ZDHHC7: variants seen among roughly 807,000 people sequenced by gnomAD.
ZDHHC7 encodes the protein zDHHC palmitoyltransferase 7, also known as palmitoyltransferase ZDHHC7.
Under a neutral mutation model 34.1 loss-of-function variants are expected in ZDHHC7, and 12 were observed. The ratio of observed to expected loss-of-function variants is 0.35; its 90% CI spans 0.23 to 0.57. ZDHHC7 has a LOEUF of 0.57. ZDHHC7 is among the 20% of genes least tolerant of loss of function. The probability of loss-of-function intolerance (pLI) is 0.84; values close to 1 mark genes in which losing one functional copy is unlikely to be tolerated. For missense variants in ZDHHC7, 388 were observed against 402.7 expected, an observed-to-expected ratio of 0.96 and a Z score of 0.31; for synonymous variants, 185 against 155.4, an observed-to-expected ratio of 1.19 and a Z score of -1.42.
chr16:84,994,360 C>T (rs1386483676), intron 2 of ZDHHC7, among the ~76,000 whole-genome samples: 1 of 152,222 alleles, frequency 6.6e-6, no homozygotes, highest in African/African-American at 2.4e-5. Flanking sequence ...AGGCCGTAAG[C>T]TGAAAAATTC....
upstream of ZDHHC7, among the ~76,000 whole-genome samples, chr16:85,016,018 CAACAGGAGG>C (rs902604238): frequency 5.9e-5 from 9 of 151,956 alleles, no homozygotes; most frequent in Non-Finnish European, 1.2e-4. Context: ...GCCTAAATTC[CAACAGGAGG>C]AGGGATTATA....
At position 85,011,453 on chromosome 16, in the gene ZDHHC7, C is replaced by T. The variant is rs904364392; in HGVS notation, c.-271G>A. On this transcript the variant is annotated 5_prime_UTR_variant, in exon 1 of 8. Coordinates refer to ENST00000313732, the MANE Select transcript of ZDHHC7 (RefSeq NM_017740.3). ...GCTTGGTCCCCTGGGTCCCGCCGGG[C>T]AGGTCGGAAGGAGGCTGCAGCCAAG... is the stretch of plus-strand genomic sequence containing the variant. 3.9e-5 allele frequency: 6 copies of T among 152,162 alleles called. No individual in the cohort carries two copies. The highest frequency in any genetic ancestry group is 1.4e-4 in the African/African-American group (6 of 41,432). The allele number at this position is 152,162 out of a possible 1,614,324, so 9.4% of individuals were successfully genotyped here. A position where few individuals can be genotyped will look rare whatever the true frequency, so the allele number is the denominator to read the frequency against.
At chr16:84,991,918 G>A (rs1349661700) in intron 2 of ZDHHC7, among the ~76,000 whole-genome samples, 1 of 152,098 alleles carries the variant, frequency 6.6e-6, no homozygotes, top group Non-Finnish European at 1.5e-5. Context: ...AAAAAAGTAG[G>A]ACCGGGCACA....
intron 3 of ZDHHC7, 77 bp downstream of exon 3, chr16:84,990,227 C>A: frequency 6.6e-7 from 1 of 1,515,134 alleles, no homozygotes. Flanking sequence ...TGCACTGCTT[C>A]CTCCAAAGGG....
chr16:85,016,669 T>C, the ZDHHC7 span, among the ~76,000 whole-genome samples: 1 of 151,734 alleles, frequency 6.6e-6, no homozygotes, highest in East Asian at 1.9e-4. Context: ...GTTCTCACTA[T>C]ATTGCCCAGG....
intron 2 of ZDHHC7, among the ~76,000 whole-genome samples, chr16:84,991,194 CCTCG>C (rs1335572079): frequency 1.3e-5 from 2 of 152,186 alleles, no homozygotes; most frequent in Admixed American, 6.5e-5. Context: ...CTCAGTTTAT[CCTCG>C]CTTATCTGTG....
upstream of ZDHHC7, among the ~76,000 whole-genome samples, chr16:85,016,066 C>G (rs2072832943): frequency 6.6e-6 from 1 of 152,170 alleles, no homozygotes; most frequent in South Asian, 2.1e-4. Context: ...CCCCCCCAAC[C>G]ACGTCATGGC....
upstream of ZDHHC7, among the ~76,000 whole-genome samples, chr16:85,015,452 T>G (rs548187375): frequency 3.3e-5 from 5 of 152,148 alleles, 1 homozygote; most frequent in African/African-American, 1.2e-4. Flanking sequence ...GTAAATTATC[T>G]CCTGGATCAA....
intron 2 of ZDHHC7, among the ~76,000 whole-genome samples, chr16:84,992,886 T>C (rs1597548668): frequency 6.6e-6 from 1 of 152,230 alleles, no homozygotes; most frequent in East Asian, 1.9e-4. Flanking sequence ...TGAAAACATT[T>C]GCCGAATGAA....
intron 3 of ZDHHC7, among the ~76,000 whole-genome samples, chr16:84,990,028 T>A (rs2072487573): frequency 6.6e-6 from 1 of 151,960 alleles, no homozygotes; most frequent in African/African-American, 2.4e-5. Flanking sequence ...TTGAAGGATG[T>A]CTCAAAACTC....
chr16:84,977,053 T>C (rs370917011), intron 7 of ZDHHC7, 42 bp downstream of exon 7: 1 of 1,611,250 alleles, frequency 6.2e-7, no homozygotes. Context: ...TACTCAAGCT[T>C]GGACCACATA....
rs184706517 is a variant in ZDHHC7, at chr16:85,009,386, T to C, written c.-104+1900A>G. ...GAGAGGGCCATTCTATTCATGCTAATACTCTTCTGTTCTTGAAGAGGATTT... is the reference window on the plus strand; with the variant it reads ...GAGAGGGCCATTCTATTCATGCTAACACTCTTCTGTTCTTGAAGAGGATTT... On this transcript the variant is annotated intron_variant, in intron 1 of 7. Coordinates refer to ENST00000313732, the MANE Select transcript of ZDHHC7 (RefSeq NM_017740.3). Among the ~76,000 whole-genome samples, 181 of 152,204 alleles carry C rather than the reference T, an allele frequency of 1.2e-3. 2 individuals are homozygous for C. The highest frequency in any genetic ancestry group is 3.2e-3 in the African/African-American group (134 of 41,432).
chr16:84,990,183 T>A, intron 3 of ZDHHC7, 121 bp downstream of exon 3: 1 of 1,214,924 alleles, frequency 8.2e-7, no homozygotes, highest in Non-Finnish European at 1.1e-6. Context: ...TCAATCCACC[T>A]TTCTTGTTCC....
chr16:85,014,355 C>G (rs1194649305), upstream of ZDHHC7, among the ~76,000 whole-genome samples: 1 of 152,180 alleles, frequency 6.6e-6, no homozygotes, highest in African/African-American at 2.4e-5. Flanking sequence ...CTATAGCAGG[C>G]TTAATGCACA....
intron 3 of ZDHHC7, among the ~76,000 whole-genome samples, chr16:84,986,020 G>A (rs774193032): frequency 6.6e-6 from 1 of 151,454 alleles, no homozygotes; most frequent in Admixed American, 6.6e-5. Flanking sequence ...CAGGAGAGGT[G>A]GTATAAATAC....
intron 4 of ZDHHC7, among the ~76,000 whole-genome samples, chr16:84,979,554 G>C (rs1351182982): frequency 6.6e-6 from 1 of 152,164 alleles, no homozygotes; most frequent in African/African-American, 2.4e-5. Flanking sequence ...CACTCCCCCA[G>C]TAGAGCTGGA....
chr16:85,007,451 A>C (rs1460438676), intron 1 of ZDHHC7, among the ~76,000 whole-genome samples: 1 of 150,824 alleles, frequency 6.6e-6, no homozygotes, highest in Non-Finnish European at 1.5e-5. Flanking sequence ...AATGGAATGG[A>C]ATGGAACTCA....
At chr16:84,995,597 G>T (rs1181998725) in intron 2 of ZDHHC7, among the ~76,000 whole-genome samples, 1 of 152,104 alleles carries the variant, frequency 6.6e-6, no homozygotes, top group African/African-American at 2.4e-5. Context: ...TTGCACTCTA[G>T]CCTAGGCAAC....
intron 1 of ZDHHC7, among the ~76,000 whole-genome samples, chr16:85,008,446 C>T (rs549674814): frequency 1.3e-5 from 2 of 152,026 alleles, no homozygotes; most frequent in East Asian, 3.9e-4. Context: ...TGGTGCTTCC[C>T]CATCTGGTAC....
Sources: gnomAD v4.1 joint callset for allele counts (sites outside exome capture counted in the v4.1 genomes callset) on GRCh38, gnomAD v4.1.1 for gene constraint, MANE v1.5 for transcripts, NCBI Gene and HGNC (gene_info 2026-07-23, HGNC 2026-07-21) for gene names.